The following ZNF257 variants were observed in gnomAD, a reference collection of about 807,000 sequenced individuals.
The protein encoded by ZNF257 is zinc finger protein 257.
Under a neutral mutation model 11.9 loss-of-function variants are expected in ZNF257, and 12 were observed. The observed-to-expected ratio is 1.01, with a 90% CI of 0.65 to 1.63. The LOEUF (loss-of-function observed/expected upper bound fraction) is 1.63. ZNF257 is among the 40% of genes most tolerant of loss of function. The probability of loss-of-function intolerance (pLI) is 0.00; values close to 1 mark genes in which losing one functional copy is unlikely to be tolerated. For synonymous variants in ZNF257, 183 were observed against 222.7 expected (o/e 0.82, Z 1.59); for missense variants, 580 against 665.5 (o/e 0.87, Z 1.41).
At chr19:22,062,223 C>CTTTTTTT (rs34283330) in intron 1 of ZNF257, among the ~76,000 whole-genome samples, 4 of 101,762 alleles carry the variant, frequency 3.9e-5, no homozygotes, top group African/African-American at 1.6e-4. Flanking sequence ...ACTGCGCCTG[C>CTTTTTTT]TTTTTTTTTT....
At chr19:22,077,599 A>T (rs1182842914) in intron 3 of ZNF257, among the ~76,000 whole-genome samples, 1 of 152,106 alleles carries the variant, frequency 6.6e-6, no homozygotes. Context: ...TTCAAATGTG[A>T]CAAGATTTTA....
chr19:22,065,445 C>T lies in ZNF257; in HGVS notation c.4-7364C>T, dbSNP rs901410978. ...GAACTCCCGACCTCAGGTGATCCAC[C>T]CACCTCGGCCTTCCAAAGTGCTGGG... On this transcript the variant is annotated intron_variant, in intron 1 of 3. Coordinates refer to ENST00000594947, the MANE Select transcript of ZNF257 (RefSeq NM_033468.4). Among the ~76,000 whole-genome samples the T allele has an allele frequency of 5.9e-5, 9 of 152,100 alleles. 1 individual carries two copies. Among genetic ancestry groups the T allele is most frequent in the Admixed American group, 5.9e-4 (9 of 15,266 alleles).
In ZNF257 at chr19:22,088,650, T is replaced by TA. The variant is rs1430202684; in HGVS notation, c.901dup (p.Thr301AsnfsTer7). On this transcript the variant is annotated frameshift_variant, in exon 4 of 4. Transcript: ENST00000594947. LOFTEE classifies it low-confidence loss of function (END_TRUNC). ...AAGCCTTTAAGTGGTCCTCAGCTCT[T>TA]ACTACCCTTACTCAACATAAGAGAA... is the stretch of plus-strand genomic sequence containing the variant. 1.9e-6 allele frequency: 3 copies of TA among 1,613,146 alleles called. No homozygotes were observed. The East Asian group carries it at 6.7e-5, about 36-fold the overall frequency.
intron 1 of ZNF257, chr19:22,065,790 C>G (rs545736216): frequency 6.6e-6 from 1 of 152,222 alleles, no homozygotes; most frequent in African/African-American, 2.4e-5. Context: ...CAAATATATT[C>G]TACTATATGA....
At chr19:22,057,535 G>T (rs926602904) in intron 1 of ZNF257, among the ~76,000 whole-genome samples, 4 of 152,174 alleles carry the variant, frequency 2.6e-5, no homozygotes, top group Non-Finnish European at 4.4e-5. Context: ...TACTGAAGAT[G>T]AAGTTGTTAT....
In ZNF257 at chr19:22,052,530, G is replaced by T; in HGVS notation, c.-103G>T. 1 of 1,419,000 alleles carries T rather than the reference G, an allele frequency of 7.0e-7. No homozygotes were observed. Among genetic ancestry groups the T allele is most frequent in the Non-Finnish European group, 9.8e-7 (1 of 1,017,612 alleles). 87.9% of individuals were successfully genotyped at this position (1,419,000 alleles called of 1,614,324 possible). A position where few individuals can be genotyped will look rare whatever the true frequency, so the allele number is the denominator to read the frequency against. On this transcript the variant is annotated 5_prime_UTR_variant, in exon 1 of 4. Coordinates refer to ENST00000594947, the MANE Select transcript of ZNF257 (RefSeq NM_033468.4). ...CGAGCTGCAGGTCTCGTCTTCCCTG[G>T]TCTGTGTCCTCTTCTCCTAGGGGCC...
At chr19:22,064,700 C>T (rs1015792450) in intron 1 of ZNF257, among the ~76,000 whole-genome samples, 1 of 152,146 alleles carries the variant, frequency 6.6e-6, no homozygotes, top group Non-Finnish European at 1.5e-5. Context: ...CCGTTTATTA[C>T]TTCAGAACAA....
chr19:22,067,225 C>A (rs998983090), intron 1 of ZNF257, among the ~76,000 whole-genome samples: 2 of 152,278 alleles, frequency 1.3e-5, no homozygotes, highest in African/African-American at 4.8e-5. Context: ...GGGCAGCAAT[C>A]AACATTTTAC....
intron 3 of ZNF257, among the ~76,000 whole-genome samples, chr19:22,078,090 T>A (rs1248812403): frequency 6.6e-6 from 1 of 151,302 alleles, no homozygotes; most frequent in Non-Finnish European, 1.5e-5. Flanking sequence ...AAAAAAAAAT[T>A]AGCTGGGCGT....
rs140340371 is a variant in ZNF257 at position 22,073,501 on chromosome 19, T to C, written c.163T>C (p.Cys55Arg). ...TGTCTCTAAGCCAGACCTGATCACC[T>C]GTCTGGAGCAAGGAAAAGAGCCCTG... ...IAVSKPDLIT[C>R]LEQGKEPCNM... is the part of the protein sequence containing the mutation. Residue 55 changes from cysteine (C) to arginine (R), a missense_variant, in exon 3 of 4, where the codon TGT (cysteine) becomes CGT (arginine). By Grantham distance (180) the Cys-to-Arg change is radical (BLOSUM62 -3). Transcript: ENST00000594947. The C allele has an allele frequency of 9.1e-3, 14,702 of 1,611,934 alleles. 99 individuals are homozygous for C. The highest frequency in any genetic ancestry group is 0.012 in the Middle Eastern group (73 of 6,052).
At chr19:22,085,818 A>G (rs2022464547) in intron 3 of ZNF257, among the ~76,000 whole-genome samples, 1 of 152,114 alleles carries the variant, frequency 6.6e-6, no homozygotes, top group Non-Finnish European at 1.5e-5. Flanking sequence ...CATTTTATAT[A>G]ATATGAGTTT....
At chr19:22,083,469 G>A (rs984762812) in intron 3 of ZNF257, among the ~76,000 whole-genome samples, 37 of 151,972 alleles carry the variant, frequency 2.4e-4, no homozygotes, top group African/African-American at 8.5e-4. Context: ...ACTCCATCTC[G>A]AAAAACTAAA....
intron 3 of ZNF257, among the ~76,000 whole-genome samples, chr19:22,077,736 A>C (rs1249354995): frequency 2.6e-5 from 4 of 151,950 alleles, no homozygotes; most frequent in Non-Finnish European, 5.9e-5. Flanking sequence ...TGACTGTTCA[A>C]ATACGTCTTC....
chr19:22,090,482 A>T lies in ZNF257; in HGVS notation c.*1040A>T, dbSNP rs1009365698. On this transcript the variant is annotated 3_prime_UTR_variant, in exon 4 of 4. Transcript: ENST00000594947. ...AATGCCAGAGAGCTCATACTAAAAT[A>T]TACTTTTGCAGATGCAATAAATACA... 3 of 152,176 alleles carry T rather than the reference A, an allele frequency of 2.0e-5. No individual in the cohort carries two copies. Among genetic ancestry groups the T allele is most frequent in the South Asian group, 4.1e-4 (2 of 4,834 alleles). The allele number at this position is 152,176 out of a possible 1,614,324, so 9.4% of individuals were successfully genotyped here.
Position 22,088,153 on chromosome 19 carries a change from C to T in ZNF257, c.403C>T (p.Gln135Ter), listed in dbSNP as rs2022520319. Reference sequence around the variant, plus strand: ...CAAAGGAGGTTATAATGGACTTAACCAATGTCTGATAACTACCCAGAGCAA... The same window carrying T: ...CAAAGGAGGTTATAATGGACTTAACTAATGTCTGATAACTACCCAGAGCAA... Reference protein sequence around the residue: ...VCKGGYNGLNQCLITTQSKMY... With the variant: ...VCKGGYNGLN The change falls in exon 4 of 4, where the codon CAA becomes TAA. Residue 135 changes from glutamine (Q) to a stop codon, truncating the protein, a stop_gained. Coordinates refer to ENST00000594947, the MANE Select transcript of ZNF257 (RefSeq NM_033468.4). LOFTEE classifies it low-confidence loss of function (END_TRUNC). 1 of 1,608,744 alleles carries T rather than the reference C, an allele frequency of 6.2e-7. No individual in the cohort carries two copies. Among genetic ancestry groups the T allele is most frequent in the African/African-American group, 1.3e-5 (1 of 74,652 alleles).
At chr19:22,071,427 G>A (rs1396454646) in intron 1 of ZNF257, among the ~76,000 whole-genome samples, 4 of 151,950 alleles carry the variant, frequency 2.6e-5, no homozygotes, top group Non-Finnish European at 4.4e-5. Context: ...GGTGTAATTT[G>A]TGCAGAAAAT....
intron 1 of ZNF257, among the ~76,000 whole-genome samples, chr19:22,054,064 G>A: frequency 6.8e-6 from 1 of 147,174 alleles, no homozygotes; most frequent in East Asian, 2.0e-4. Context: ...ATTTTCCGCT[G>A]ATTTGTTTTT....
chr19:22,075,483 CG>C (rs962346565), intron 3 of ZNF257: 3 of 152,272 alleles, frequency 2.0e-5, no homozygotes, highest in African/African-American at 7.2e-5. Context: ...TGGCTGTAAA[CG>C]GGTGTCTTCC....
chr19:22,064,943 G>A (rs1005667880), intron 1 of ZNF257, among the ~76,000 whole-genome samples: 2 of 151,526 alleles, frequency 1.3e-5, no homozygotes, highest in African/African-American at 4.8e-5. Context: ...AGTCCCAGCT[G>A]TTCCGGAGGC....
Sources: gnomAD v4.1 joint callset for allele counts (sites outside exome capture counted in the v4.1 genomes callset) on GRCh38, gnomAD v4.1.1 for gene constraint, MANE v1.5 for transcripts, NCBI Gene and HGNC (gene_info 2026-07-23, HGNC 2026-07-21) for gene names.